The following EID2B variants were observed in gnomAD, a reference collection of about 807,000 sequenced individuals.
The protein encoded by EID2B is EP300-interacting inhibitor of differentiation 2B.
In EID2B, 6 loss-of-function variants were observed where a neutral mutation model predicts 5.9. The ratio of observed to expected loss-of-function variants is 1.01; its 90% CI spans 0.55 to 2.00. The LOEUF (loss-of-function observed/expected upper bound fraction) is 2.00, where lower values mean the gene tolerates loss of function less well. Among genes scored for constraint, EID2B ranks in the 30% most tolerant of loss-of-function variants. The pLI, the probability that EID2B is intolerant of heterozygous loss-of-function variation, is 0.00. For synonymous variants in EID2B, 94 were observed against 104.2 expected (o/e 0.90, Z 0.60); for missense variants, 234 against 228.1 (o/e 1.03, Z -0.17).
chr19:39,532,527 C>A lies in EID2B; in HGVS notation c.276G>T (p.Arg92=). The part of the protein sequence containing the change: ...HQQLAFLEIN[R]QLLFREYLDG... ...CCAGATACTCGCGGAACAACAGCTGCCGGTTAATTTCTAAGAAAGCGAGCT... is the reference window on the plus strand; with the variant it reads ...CCAGATACTCGCGGAACAACAGCTGACGGTTAATTTCTAAGAAAGCGAGCT... The change falls in exon 1 of 1, where the codon CGG becomes CGT. Residue 92 remains arginine (R), a synonymous_variant. Transcript: ENST00000326282. 5 of 1,614,162 alleles carry A rather than the reference C, an allele frequency of 3.1e-6. No homozygotes were observed. The highest frequency in any genetic ancestry group is 4.2e-6 in the Non-Finnish European group (5 of 1,180,044).
chr19:39,532,209 T>C lies in EID2B; in HGVS notation c.*108A>G, dbSNP rs1971970134. On this transcript the variant is annotated 3_prime_UTR_variant, in exon 1 of 1. Transcript: ENST00000326282. ...TTGCCGTATTCCCTTCCAGTTTGCA[T>C]TCCCCCTAATGACTGAGTTAACTAA... 7.3e-7 allele frequency: 1 copy of C among 1,379,098 alleles called. No individual in the cohort carries two copies. The allele number at this position is 1,379,098 out of a possible 1,614,324, so 85.4% of individuals were successfully genotyped here. A position where few individuals can be genotyped will look rare whatever the true frequency, so the allele number is the denominator to read the frequency against.
rs1971981749 is a variant in EID2B, at chr19:39,532,650, G to C, written c.153C>G (p.Ala51=). Residue 51 remains alanine, a synonymous_variant, in exon 1 of 1, where the codon GCC becomes GCG. Transcript: ENST00000326282. ...RVQEAREGPV[A]EAARSMARMP... ...TCCGCGCCATGGACCGCGCAGCTTC[G>C]GCCACTGGGCCTTCCCGAGCCTCCT... 6.2e-7 allele frequency: 1 copy of C among 1,607,578 alleles called. No individual in the cohort carries two copies. Among genetic ancestry groups the C allele is most frequent in the African/African-American group, 1.3e-5 (1 of 74,886 alleles).
Position 39,532,204 on chromosome 19 carries a change from T to C in EID2B, c.*113A>G. The C allele has an allele frequency of 7.5e-7, 1 of 1,335,966 alleles. No homozygotes were observed. The allele number at this position is 1,335,966 out of a possible 1,614,324, so 82.8% of individuals were successfully genotyped here. ...GCACATTGCCGTATTCCCTTCCAGT[T>C]TGCATTCCCCCTAATGACTGAGTTA... On this transcript the variant is annotated 3_prime_UTR_variant, in exon 1 of 1. Transcript: ENST00000326282.
Position 39,531,951 on chromosome 19 carries a change from G to C in EID2B, c.*366C>G, listed in dbSNP as rs1971966981. The C allele has an allele frequency of 4.9e-6, 1 of 202,166 alleles. No individual in the cohort carries two copies. The highest frequency in any genetic ancestry group is 2.3e-5 in the African/African-American group (1 of 42,692). The allele number at this position is 202,166 out of a possible 1,614,324, so 12.5% of individuals were successfully genotyped here. A position where few individuals can be genotyped will look rare whatever the true frequency, so the allele number is the denominator to read the frequency against. ...AAGTGCTAAGTCAGAAGTGTCTTGG[G>C]ACCTGTTTGAAAACAAGATTCGGCC... On this transcript the variant is annotated 3_prime_UTR_variant, in exon 1 of 1. Transcript: ENST00000326282.
Position 39,532,830 on chromosome 19 carries a change from A to T in EID2B, c.-28T>A. ...TCCCAGCGTTTCTACGGAGACTGGA[A>T]TAACGGCACTGCACTGCTGTATGCG... On this transcript the variant is annotated 5_prime_UTR_variant, in exon 1 of 1. Coordinates refer to ENST00000326282, the MANE Select transcript of EID2B (RefSeq NM_152361.3). The T allele has an allele frequency of 6.2e-7, 1 of 1,603,972 alleles. No individual in the cohort carries two copies. Among genetic ancestry groups the T allele is most frequent in the Non-Finnish European group, 8.5e-7 (1 of 1,179,638 alleles).
rs557411944 is a variant in EID2B at position 39,531,493 on chromosome 19, C to T, written c.*824G>A. On this transcript the variant is annotated 3_prime_UTR_variant, in exon 1 of 1. Transcript: ENST00000326282. ...CGGCCGATACTTTTTTTTGTTGAGTCTTGTGAATAGAATACATATTCTAGA... is the reference window on the plus strand; with the variant it reads ...CGGCCGATACTTTTTTTTGTTGAGTTTTGTGAATAGAATACATATTCTAGA... 1 of 152,076 alleles carries T rather than the reference C, an allele frequency of 6.6e-6. No individual in the cohort carries two copies. Among genetic ancestry groups the T allele is most frequent in the Admixed American group, 6.6e-5 (1 of 15,266 alleles). The allele number at this position is 152,076 out of a possible 1,614,324, so 9.4% of individuals were successfully genotyped here.
At position 39,532,239 on chromosome 19, in the gene EID2B, G is replaced by A; in HGVS notation, c.*78C>T. Reference sequence around the variant, plus strand: ...CCTAATGACTGAGTTAACTAAACTGGCACAGCCTGCCTGTTCTTTTGATCC... The same window carrying A: ...CCTAATGACTGAGTTAACTAAACTGACACAGCCTGCCTGTTCTTTTGATCC... On this transcript the variant is annotated 3_prime_UTR_variant, in exon 1 of 1. Transcript: ENST00000326282. The A allele has an allele frequency of 2.0e-6, 3 of 1,534,878 alleles. No individual in the cohort carries two copies. The African/African-American group carries it at 4.1e-5, about 21-fold the overall frequency.
rs1600770664 is a variant in EID2B, at chr19:39,531,742, C to T, written c.*575G>A. ...AAAGTCCTCTCAATAGCCTTCCAAT[C>T]CTAGTAACTCAGGTACACCTGGATT... On this transcript the variant is annotated 3_prime_UTR_variant, in exon 1 of 1. Coordinates refer to ENST00000326282, the MANE Select transcript of EID2B (RefSeq NM_152361.3). 1 of 152,348 alleles carries T rather than the reference C, an allele frequency of 6.6e-6. No individual in the cohort carries two copies. Among genetic ancestry groups the T allele is most frequent in the East Asian group, 1.9e-4 (1 of 5,190 alleles). 9.4% of individuals were successfully genotyped at this position (152,348 alleles called of 1,614,324 possible). A position where few individuals can be genotyped will look rare whatever the true frequency, so the allele number is the denominator to read the frequency against.
Position 39,532,595 on chromosome 19 carries a change from T to C in EID2B, c.208A>G (p.Ser70Gly). The C allele has an allele frequency of 2.5e-6, 4 of 1,612,798 alleles. No individual in the cohort carries two copies. Residue 70 changes from serine (S) to glycine (G), a missense_variant, in exon 1 of 1, where the codon AGC becomes GGC. Transcript: ENST00000326282. ...MPGPVPGPIP[S>G]SVPGLASAPD... The stretch of plus-strand genomic sequence containing the variant: ...GCGGAGGCCAGGCCCGGGACGCTGC[T>C]GGGGATGGGCCCGGGCACAGGGCCC...
rs1377997622 is a variant in EID2B at position 39,532,071 on chromosome 19, G to A, written c.*246C>T. 1 of 514,220 alleles carries A rather than the reference G, an allele frequency of 1.9e-6. No homozygotes were observed. The highest frequency in any genetic ancestry group is 3.4e-6 in the Non-Finnish European group (1 of 293,854). 31.9% of individuals were successfully genotyped at this position (514,220 alleles called of 1,614,324 possible). ...GTCCAAGCGTTCGGGACCAGCCTAG[G>A]GATGCGAGACTCCCTTCTCTATTTA... On this transcript the variant is annotated 3_prime_UTR_variant, in exon 1 of 1. Coordinates refer to ENST00000326282, the MANE Select transcript of EID2B (RefSeq NM_152361.3).
chr19:39,532,224 G>A lies in EID2B; in HGVS notation c.*93C>T. 1 of 1,485,610 alleles carries A rather than the reference G, an allele frequency of 6.7e-7. No individual in the cohort carries two copies. Among genetic ancestry groups the A allele is most frequent in the Non-Finnish European group, 9.1e-7 (1 of 1,102,978 alleles). 92.0% of individuals were successfully genotyped at this position (1,485,610 alleles called of 1,614,324 possible). A position where few individuals can be genotyped will look rare whatever the true frequency, so the allele number is the denominator to read the frequency against. On this transcript the variant is annotated 3_prime_UTR_variant, in exon 1 of 1. Transcript: ENST00000326282. ...CCAGTTTGCATTCCCCCTAATGACT[G>A]AGTTAACTAAACTGGCACAGCCTGC...
rs1479190403 is a variant in EID2B at position 39,531,555 on chromosome 19, T to A, written c.*762A>T. The A allele has an allele frequency of 6.6e-6, 1 of 152,238 alleles. No individual in the cohort carries two copies. The highest frequency in any genetic ancestry group is 2.4e-5 in the African/African-American group (1 of 41,464). The allele number at this position is 152,238 out of a possible 1,614,324, so 9.4% of individuals were successfully genotyped here. A position where few individuals can be genotyped will look rare whatever the true frequency, so the allele number is the denominator to read the frequency against. Reference sequence around the variant, plus strand: ...AGCTTAAAATTAACAAAAAACAAGTTTATTCCACACCTACCCAATTTCACA... The same window carrying A: ...AGCTTAAAATTAACAAAAAACAAGTATATTCCACACCTACCCAATTTCACA... On this transcript the variant is annotated 3_prime_UTR_variant, in exon 1 of 1. Transcript: ENST00000326282.
chr19:39,532,700 C>T lies in EID2B; in HGVS notation c.103G>A (p.Ala35Thr). Residue 35 changes from alanine to threonine, a missense_variant, in exon 1 of 1, where the codon GCA becomes ACA. Coordinates refer to ENST00000326282, the MANE Select transcript of EID2B (RefSeq NM_152361.3). ...TGCACCCGAACCCCGCCGCCGACTG[C>T]CCCCCGCAGTACGTCGCTGACGCCA... ...ASGVSDVLRGAVGGGVRVQEA... is the reference protein window; with the variant it reads ...ASGVSDVLRGTVGGGVRVQEA... The T allele has an allele frequency of 3.1e-6, 5 of 1,607,120 alleles. No individual in the cohort carries two copies. Among genetic ancestry groups the T allele is most frequent in the East Asian group, 4.5e-5 (2 of 44,698 alleles).
At position 39,532,143 on chromosome 19, in the gene EID2B, C is replaced by A; in HGVS notation, c.*174G>T. The stretch of plus-strand genomic sequence containing the variant: ...AGAAAACAAGATTCAACAGTCTTGT[C>A]TGTTTCCATTTCGGAGTGTGCTTCC... On this transcript the variant is annotated 3_prime_UTR_variant, in exon 1 of 1. Coordinates refer to ENST00000326282, the MANE Select transcript of EID2B (RefSeq NM_152361.3). The A allele has an allele frequency of 2.8e-6, 2 of 707,932 alleles. No homozygotes were observed. The highest frequency in any genetic ancestry group is 4.6e-6 in the Non-Finnish European group (2 of 432,468). 43.9% of individuals were successfully genotyped at this position (707,932 alleles called of 1,614,324 possible).
In EID2B at chr19:39,532,599, G is replaced by T; in HGVS notation, c.204C>A (p.Ile68=). 2 of 1,612,438 alleles carry T rather than the reference G, an allele frequency of 1.2e-6. No individual in the cohort carries two copies. Among genetic ancestry groups the T allele is most frequent in the Non-Finnish European group, 1.7e-6 (2 of 1,179,454 alleles). ...AGGCCAGGCCCGGGACGCTGCTGGGGATGGGCCCGGGCACAGGGCCCGGCA... is the reference window on the plus strand; with the variant it reads ...AGGCCAGGCCCGGGACGCTGCTGGGTATGGGCCCGGGCACAGGGCCCGGCA... ...ARMPGPVPGP[I]PSSVPGLASA... is the part of the protein sequence containing the mutation. Residue 68 remains isoleucine (I), a synonymous_variant, in exon 1 of 1, where the codon ATC becomes ATA. Transcript: ENST00000326282.
rs969202106 is a variant in EID2B, at chr19:39,531,340, A to C, written c.*977T>G. The C allele has an allele frequency of 6.6e-6, 1 of 151,988 alleles. No homozygotes were observed. The highest frequency in any genetic ancestry group is 2.4e-5 in the African/African-American group (1 of 41,390). 9.4% of individuals were successfully genotyped at this position (151,988 alleles called of 1,614,324 possible). On this transcript the variant is annotated 3_prime_UTR_variant, in exon 1 of 1. Transcript: ENST00000326282. ...AAGCGCGTGCCACCACACCCAGTTA[A>C]TTTTTTATTTTTCGTAGAGATGGGG...
Position 39,532,561 on chromosome 19 carries a change from G to T in EID2B, c.242C>A (p.Pro81His), listed in dbSNP as rs1568458762. 1.9e-6 allele frequency: 3 copies of T among 1,613,858 alleles called. No homozygotes were observed. In the African/African-American group the frequency reaches 4.0e-5, roughly 21 times the overall value. Reference sequence around the variant, plus strand: ...TTCTAAGAAAGCGAGCTGCTGATGGGGGTCTGGCGCGGAGGCCAGGCCCGG... The same window carrying T: ...TTCTAAGAAAGCGAGCTGCTGATGGTGGTCTGGCGCGGAGGCCAGGCCCGG... Reference protein sequence around the residue: ...SVPGLASAPDPHQQLAFLEIN... With the variant: ...SVPGLASAPDHHQQLAFLEIN... The change falls in exon 1 of 1, where the codon CCC (proline) becomes CAC (histidine). Residue 81 changes from proline (P) to histidine (H), a missense_variant. Transcript: ENST00000326282.
rs1971968245 is a variant in EID2B, at chr19:39,532,044, G to C, written c.*273C>G. On this transcript the variant is annotated 3_prime_UTR_variant, in exon 1 of 1. Coordinates refer to ENST00000326282, the MANE Select transcript of EID2B (RefSeq NM_152361.3). ...GGAGGCCGAAGCGGGAGGATCGCTC[G>C]GGTCCAAGCGTTCGGGACCAGCCTA... is the stretch of plus-strand genomic sequence containing the variant. 2.5e-6 allele frequency: 1 copy of C among 396,478 alleles called. No individual in the cohort carries two copies. The highest frequency in any genetic ancestry group is 4.5e-6 in the Non-Finnish European group (1 of 222,346). 24.6% of individuals were successfully genotyped at this position (396,478 alleles called of 1,614,324 possible).
In EID2B at chr19:39,532,429, C is replaced by T; in HGVS notation, c.374G>A (p.Cys125Tyr). ...GTCAAAGGCTGCTTCCCTCGCCTTG[C>T]AGCCTTCCACAAACAGCCTGCGGCG... Reference protein sequence around the residue: ...EERRRLFVEGCKAREAAFDAD... With the variant: ...EERRRLFVEGYKAREAAFDAD... The change falls in exon 1 of 1, where the codon TGC becomes TAC. Residue 125 changes from cysteine to tyrosine, a missense_variant. By Grantham distance (194) the Cys-to-Tyr change is radical. Transcript: ENST00000326282. 6.2e-7 allele frequency: 1 copy of T among 1,614,196 alleles called. No individual in the cohort carries two copies.
Sources: gnomAD v4.1 joint callset for allele counts on GRCh38, gnomAD v4.1.1 for gene constraint, MANE v1.5 for transcripts, NCBI Gene and HGNC (gene_info 2026-07-23, HGNC 2026-07-21) for gene names.